Variants in PCCA observed in about 807,000 individuals in gnomAD.
The protein encoded by PCCA is propionyl-CoA carboxylase subunit alpha.
Under a neutral mutation model 101.3 loss-of-function variants are expected in PCCA, and 74 were observed. The ratio of observed to expected loss-of-function variants is 0.73; its 90% CI spans 0.61 to 0.89. PCCA has a LOEUF of 0.89. Among genes scored for constraint, PCCA ranks in the 40% least tolerant of loss-of-function variants. The pLI is 0.00. For synonymous variants in PCCA, 294 were observed against 313.6 expected, an observed-to-expected ratio of 0.94 and a Z score of 0.66; for missense variants, 891 against 907.0, an observed-to-expected ratio of 0.98 and a Z score of 0.23.
At position 100,475,306 on chromosome 13, in the gene PCCA, A is replaced by G. The variant is rs75163529; in HGVS notation, c.1899+26001A>G. ...CACCCCAAAAAGAAGCCCCCTACCC[A>G]TTAGCATTCACTCCTCACCCCTTCC... On this transcript the variant is annotated intron_variant, in intron 21 of 23. Coordinates refer to ENST00000376285, the MANE Select transcript of PCCA (RefSeq NM_000282.4). 4.1e-3 allele frequency among the ~76,000 whole-genome samples: 629 copies of G among 152,172 alleles called. 5 individuals are homozygous for G. Among genetic ancestry groups the G allele is most frequent in the African/African-American group, 0.014 (595 of 41,516 alleles).
At chr13:100,400,064 G>T (rs1045983458) in intron 19 of PCCA, among the ~76,000 whole-genome samples, 1 of 152,186 alleles carries the variant, frequency 6.6e-6, no homozygotes, top group Non-Finnish European at 1.5e-5. Flanking sequence ...TGAAACAAAA[G>T]GACGACTGGG....
chr13:100,302,926 C>T lies in PCCA; in HGVS notation c.1212C>T (p.Asp404=), dbSNP rs2152686072. 6.3e-7 allele frequency: 1 copy of T among 1,580,160 alleles called. No homozygotes were observed. The highest frequency in any genetic ancestry group is 1.1e-5 in the South Asian group (1 of 90,432). ...WAVECRVYAE[D]PYKSFGLPSI... ...CTTCCTTTCCTTTGAACTTTCAGGA[C>T]CCCTACAAGTCTTTTGGTTTACCAT... The change falls in exon 14 of 24, where the codon GAC becomes GAT. Residue 404 remains aspartate (D), a splice_region_variant and synonymous_variant. Transcript: ENST00000376285.
At chr13:100,513,630 T>G (rs2086633707) in intron 21 of PCCA, among the ~76,000 whole-genome samples, 2 of 152,226 alleles carry the variant, frequency 1.3e-5, no homozygotes, top group South Asian at 2.1e-4. Context: ...CTAAACTTAG[T>G]TTTTGGAGTA....
At chr13:100,439,836 T>A (rs2152914472) in intron 20 of PCCA, among the ~76,000 whole-genome samples, 1 of 152,236 alleles carries the variant, frequency 6.6e-6, no homozygotes, top group Non-Finnish European at 1.5e-5. Flanking sequence ...TATCTTGAGA[T>A]CCTGCTAAGG....
chr13:100,518,823 A>G (rs572125666), intron 22 of PCCA, among the ~76,000 whole-genome samples: 1 of 152,328 alleles, frequency 6.6e-6, no homozygotes, highest in South Asian at 2.1e-4. Flanking sequence ...ACTATTGTAA[A>G]CTGGGAGCAC....
In PCCA at chr13:100,220,998, G is replaced by A. The variant is rs369212675; in HGVS notation, c.600+11535G>A. Among the ~76,000 whole-genome samples the A allele has an allele frequency of 9.6e-4, 146 of 152,260 alleles. 4 individuals are homozygous for A. The South Asian group carries it at 0.027, about 29-fold the overall frequency. Reference sequence around the variant, plus strand: ...ATGGACAAAGCAAGTCAAGACAGAGGAAAATACTCAAGGTTCCCAGGTAAA... The same window carrying A: ...ATGGACAAAGCAAGTCAAGACAGAGAAAAATACTCAAGGTTCCCAGGTAAA... On this transcript the variant is annotated intron_variant, in intron 7 of 23. Coordinates refer to ENST00000376285, the MANE Select transcript of PCCA (RefSeq NM_000282.4).
rs79672521 is a variant in PCCA, at chr13:100,125,561, T to C, written c.300+13500T>C. On this transcript the variant is annotated intron_variant, in intron 4 of 23. Transcript: ENST00000376285. ...CTTTAAAACTTGCTATTGCTCACTT[T>C]TCTTATAAAACTTAGCTTTCAGAAA... Among the ~76,000 whole-genome samples, 1,128 of 152,342 alleles carry C rather than the reference T, an allele frequency of 7.4e-3. 16 individuals carry two copies. The highest frequency in any genetic ancestry group is 0.026 in the African/African-American group (1,077 of 41,578).
chr13:100,492,316 A>G (rs986836449), intron 21 of PCCA, among the ~76,000 whole-genome samples: 5 of 151,986 alleles, frequency 3.3e-5, no homozygotes, highest in African/African-American at 9.7e-5. Flanking sequence ...TTGTATTTTT[A>G]GTAGAGACAG....
intron 8 of PCCA, among the ~76,000 whole-genome samples, chr13:100,246,548 A>G (rs536958323): frequency 9.2e-5 from 14 of 151,992 alleles, no homozygotes; most frequent in Non-Finnish European, 2.1e-4. Flanking sequence ...GGCTGGTCTC[A>G]AATTCCTGGG....
chr13:100,324,684 A>ATTT (rs2068450682), intron 16 of PCCA, among the ~76,000 whole-genome samples: 1 of 152,212 alleles, frequency 6.6e-6, no homozygotes, highest in African/African-American at 2.4e-5. Context: ...GCATGAAATC[A>ATTT]TAACCACATT....
chr13:100,237,935 C>CTTTTT (rs1167146448), intron 8 of PCCA, among the ~76,000 whole-genome samples: 30 of 131,060 alleles, frequency 2.3e-4, no homozygotes, highest in African/African-American at 3.9e-4. Context: ...TTCTTTCTTT[C>CTTTTT]TTTCTTTTTT....
chr13:100,162,080 A>ATGTGTGTGTGTG (rs3034650), intron 6 of PCCA, among the ~76,000 whole-genome samples: 8 of 146,810 alleles, frequency 5.4e-5, no homozygotes, highest in African/African-American at 7.5e-5. Context: ...GTGTGTCTGT[A>ATGTGTGTGTGTG]TGTGTGTGTG....
intron 6 of PCCA, among the ~76,000 whole-genome samples, chr13:100,190,039 T>C (rs1167653880): frequency 6.6e-6 from 1 of 152,202 alleles, no homozygotes; most frequent in African/African-American, 2.4e-5. Context: ...TTTCATGAGG[T>C]GTTGCCCTTC....
At chr13:100,312,942 G>A (rs1350013512) in intron 16 of PCCA, among the ~76,000 whole-genome samples, 1 of 152,048 alleles carries the variant, frequency 6.6e-6, no homozygotes, top group Admixed American at 6.6e-5. Context: ...TATGAGAGAG[G>A]GGTTTTTCTT....
intron 21 of PCCA, among the ~76,000 whole-genome samples, chr13:100,488,833 A>C (rs368035789): frequency 6.6e-6 from 1 of 151,934 alleles, no homozygotes; most frequent in Admixed American, 6.6e-5. Flanking sequence ...AAAGTGCTAT[A>C]GTAAACTTTT....
Position 100,089,242 on chromosome 13 carries a change from C to A in PCCA, c.105+17C>A. The A allele has an allele frequency of 6.7e-7, 1 of 1,483,622 alleles. No individual in the cohort carries two copies. The highest frequency in any genetic ancestry group is 1.3e-5 in the South Asian group (1 of 75,572). The allele number at this position is 1,483,622 out of a possible 1,614,324, so 91.9% of individuals were successfully genotyped here. A position where few individuals can be genotyped will look rare whatever the true frequency, so the allele number is the denominator to read the frequency against. ...ACCCTGAAGGTGAGGAGCAACGGGG[C>A]CTCGCGGGTCCGGGCTTCACTGGGC... On this transcript the variant is annotated intron_variant, in intron 1 of 23. Transcript: ENST00000376285.
intron 1 of PCCA, among the ~76,000 whole-genome samples, chr13:100,098,257 T>C (rs989047394): frequency 2.6e-5 from 4 of 152,218 alleles, no homozygotes; most frequent in African/African-American, 7.2e-5. Flanking sequence ...TTACTTAATA[T>C]ATTCAAATAT....
At chr13:100,329,883 C>T (rs1441368876) in intron 16 of PCCA, among the ~76,000 whole-genome samples, 1 of 152,138 alleles carries the variant, frequency 6.6e-6, no homozygotes, top group Non-Finnish European at 1.5e-5. Context: ...GAAGTATGCT[C>T]AGCAAATCGA....
intron 20 of PCCA, among the ~76,000 whole-genome samples, chr13:100,433,668 G>T (rs538531465): frequency 6.6e-6 from 1 of 152,230 alleles, no homozygotes; most frequent in East Asian, 1.9e-4. Context: ...ATCAAAACTG[G>T]TAAAACCTCT....
Sources: gnomAD v4.1 joint callset for allele counts (sites outside exome capture counted in the v4.1 genomes callset) on GRCh38, gnomAD v4.1.1 for gene constraint, MANE v1.5 for transcripts, NCBI Gene and HGNC (gene_info 2026-07-23, HGNC 2026-07-21) for gene names.